The following PSMC6 variants were observed in gnomAD, a reference collection of about 807,000 sequenced individuals.
PSMC6 encodes the protein 26S proteasome regulatory subunit 10B.
PSMC6 carries 3 observed loss-of-function variants against 55.9 expected under a neutral mutation model. The ratio of observed to expected loss-of-function variants is 0.05; its 90% CI spans 0.02 to 0.14. The LOEUF (loss-of-function observed/expected upper bound fraction) is 0.14, where lower values mean the gene tolerates loss of function less well. Ranked by LOEUF, PSMC6 falls within the 10% of genes least tolerant of loss-of-function variation. The pLI is 1.00. For missense variants in PSMC6, 210 were observed against 478.7 expected (o/e 0.44, Z 5.24); for synonymous variants, 137 against 155.9 (o/e 0.88, Z 0.90).
intron 7 of PSMC6, among the ~76,000 whole-genome samples, chr14:52,715,745 T>C (rs1004170501): frequency 1.3e-5 from 2 of 151,734 alleles, no homozygotes; most frequent in African/African-American, 4.8e-5. Context: ...GCCTCCTGAG[T>C]AGCTGGTACT....
rs932405790 is a variant in PSMC6, at chr14:52,723,807, G to A, written c.980-158G>A. 8 of 1,409,502 alleles carry A rather than the reference G, an allele frequency of 5.7e-6. No homozygotes were observed. In the African/African-American group the frequency reaches 8.8e-5, roughly 15 times the overall value. The allele number at this position is 1,409,502 out of a possible 1,614,324, so 87.3% of individuals were successfully genotyped here. ...CTTGGTGCTGGTTTATTTAACAGAA[G>A]TCTTAGTTTTTGGATATTAATATTG... On this transcript the variant is annotated intron_variant, in intron 12 of 13. Transcript: ENST00000445930.
rs1880513040 is a variant in PSMC6 at position 52,728,485 on chromosome 14, G to A, written c.*868G>A. On this transcript the variant is annotated 3_prime_UTR_variant, in exon 14 of 14. Coordinates refer to ENST00000445930, the MANE Select transcript of PSMC6 (RefSeq NM_002806.5). ...GGTATGTATGGATACCTGGCTAAGAGTGTATGATGTAGGGGATGTAGGAGT... is the reference window on the plus strand; with the variant it reads ...GGTATGTATGGATACCTGGCTAAGAATGTATGATGTAGGGGATGTAGGAGT... The A allele has an allele frequency of 1.3e-5, 2 of 152,218 alleles. No homozygotes were observed. The highest frequency in any genetic ancestry group is 4.1e-4 in the South Asian group (2 of 4,834). 9.4% of individuals were successfully genotyped at this position (152,218 alleles called of 1,614,324 possible).
intron 7 of PSMC6, among the ~76,000 whole-genome samples, 171 bp from the exon 8 acceptor site, chr14:52,717,910 C>G (rs1400475671): frequency 6.6e-6 from 1 of 152,158 alleles, no homozygotes; most frequent in East Asian, 1.9e-4. Context: ...TGCCTGTCAT[C>G]CCAGCTACTT....
At chr14:52,720,161 G>A (rs12888213) in intron 10 of PSMC6, among the ~76,000 whole-genome samples, 5 of 147,460 alleles carry the variant, frequency 3.4e-5, no homozygotes, top group African/African-American at 1.3e-4. Context: ...AGGTGAGGTT[G>A]CAGTGGGCTG....
rs1264863890 is a variant in PSMC6 at position 52,728,265 on chromosome 14, C to T, written c.*648C>T. Reference sequence around the variant, plus strand: ...TGAAAATATACATGCACATCCATAACTTTTTAAAGAGTATGATTCAACGTA... The same window carrying T: ...TGAAAATATACATGCACATCCATAATTTTTTAAAGAGTATGATTCAACGTA... On this transcript the variant is annotated 3_prime_UTR_variant, in exon 14 of 14. Transcript: ENST00000445930. The T allele has an allele frequency of 6.6e-6, 1 of 152,210 alleles. No individual in the cohort carries two copies. The highest frequency in any genetic ancestry group is 1.5e-5 in the Non-Finnish European group (1 of 68,050). The allele number at this position is 152,210 out of a possible 1,614,324, so 9.4% of individuals were successfully genotyped here.
chr14:52,721,661 G>GA (rs534465034), intron 12 of PSMC6: 15 of 150,768 alleles, frequency 9.9e-5, no homozygotes, highest in South Asian at 2.1e-4. Flanking sequence ...TGTTTCAGGG[G>GA]AAAAAAAAAG....
In PSMC6 at chr14:52,727,598, T is replaced by G; in HGVS notation, c.1151T>G (p.Leu384Trp). ...VADSKKLESK[L>W]DYKPV ...GATTCTAAGAAGCTGGAGTCTAAAT[T>G]GGACTACAAACCTGTGTAATTTACT... The change falls in exon 14 of 14, where the codon TTG becomes TGG. Residue 384 changes from leucine (L) to tryptophan (W), a missense_variant. Leu to Trp is a moderately conservative substitution (Grantham distance 61). Transcript: ENST00000445930. 6.2e-7 allele frequency: 1 copy of G among 1,610,734 alleles called. No homozygotes were observed. Among genetic ancestry groups the G allele is most frequent in the Non-Finnish European group, 8.5e-7 (1 of 1,178,800 alleles).
intron 3 of PSMC6, 73 bp from the exon 4 acceptor site, chr14:52,708,691 C>A: frequency 6.3e-7 from 1 of 1,595,412 alleles, no homozygotes; most frequent in Non-Finnish European, 8.5e-7. Context: ...TACAACTAAA[C>A]CCTCTGTCAA....
intron 13 of PSMC6, 88 bp downstream of exon 13, chr14:52,724,124 G>A (rs1319194448): frequency 1.6e-6 from 2 of 1,249,498 alleles, no homozygotes; most frequent in African/African-American, 3.0e-5. Context: ...GCGGAGCATA[G>A]ACTTTGCAAG....
chr14:52,726,200 C>G (rs1474296674), intron 13 of PSMC6, among the ~76,000 whole-genome samples: 10 of 152,156 alleles, frequency 6.6e-5, no homozygotes, highest in Admixed American at 6.5e-4. Context: ...ATATCCATAA[C>G]ACAACTAATG....
At chr14:52,716,292 A>G (rs969779037) in intron 7 of PSMC6, among the ~76,000 whole-genome samples, 2 of 152,246 alleles carry the variant, frequency 1.3e-5, no homozygotes, top group African/African-American at 4.8e-5. Flanking sequence ...AGGTTCCTCA[A>G]AAAACTAAAA....
At chr14:52,717,520 A>G (rs1331116984) in intron 7 of PSMC6, among the ~76,000 whole-genome samples, 1 of 151,434 alleles carries the variant, frequency 6.6e-6, no homozygotes. Context: ...TATTTTTAGT[A>G]GAGACGGGGT....
Position 52,727,597 on chromosome 14 carries a change from T to C in PSMC6, c.1150T>C (p.Leu384=). ...TGATTCTAAGAAGCTGGAGTCTAAA[T>C]TGGACTACAAACCTGTGTAATTTAC... ...VADSKKLESK[L]DYKPV is the part of the protein sequence containing the mutation. The change falls in exon 14 of 14, where the codon TTG becomes CTG. Residue 384 remains leucine, a synonymous_variant. Coordinates refer to ENST00000445930, the MANE Select transcript of PSMC6 (RefSeq NM_002806.5). 6.2e-7 allele frequency: 1 copy of C among 1,610,858 alleles called. No homozygotes were observed.
At chr14:52,721,040 A>G in intron 11 of PSMC6, 59 bp downstream of exon 11, 1 of 1,585,404 alleles carries the variant, frequency 6.3e-7, no homozygotes, top group South Asian at 1.1e-5. Flanking sequence ...CTTTTTCCAT[A>G]CTTCACTTCA....
chr14:52,708,934 ATTTG>A, intron 4 of PSMC6, 118 bp downstream of exon 4: 1 of 1,440,622 alleles, frequency 6.9e-7, no homozygotes. Flanking sequence ...CACAAGGATG[ATTTG>A]TTCAGACATA....
intron 7 of PSMC6, among the ~76,000 whole-genome samples, chr14:52,715,456 C>T (rs966328149): frequency 6.6e-5 from 10 of 151,982 alleles, no homozygotes; most frequent in East Asian, 1.9e-4. Context: ...GGTTATTTGG[C>T]GCACATTTTT....
rs1880491799 is a variant in PSMC6, at chr14:52,728,023, T to A, written c.*406T>A. The A allele has an allele frequency of 6.3e-6, 1 of 158,534 alleles. No individual in the cohort carries two copies. Among genetic ancestry groups the A allele is most frequent in the Non-Finnish European group, 1.4e-5 (1 of 71,848 alleles). The allele number at this position is 158,534 out of a possible 1,614,324, so 9.8% of individuals were successfully genotyped here. ...ATATTCTTGTCTTTTCTGAGTATAT[T>A]TACTGTGGTCCTTTAGGTTCTTTAG... On this transcript the variant is annotated 3_prime_UTR_variant, in exon 14 of 14. Coordinates refer to ENST00000445930, the MANE Select transcript of PSMC6 (RefSeq NM_002806.5).
intron 10 of PSMC6, among the ~76,000 whole-genome samples, chr14:52,719,639 A>G (rs1297941279): frequency 1.3e-5 from 2 of 152,224 alleles, no homozygotes; most frequent in South Asian, 2.1e-4. Context: ...CTTTCTCCTT[A>G]GAAGTATTTG....
At chr14:52,707,837 C>T (rs1234269638) in intron 1 of PSMC6, among the ~76,000 whole-genome samples, 1 of 152,020 alleles carries the variant, frequency 6.6e-6, no homozygotes, top group Non-Finnish European at 1.5e-5. Flanking sequence ...ACTTTTTTTT[C>T]CAGTGCATTT....
Sources: gnomAD v4.1 joint callset for allele counts (sites outside exome capture counted in the v4.1 genomes callset) on GRCh38, gnomAD v4.1.1 for gene constraint, MANE v1.5 for transcripts, NCBI Gene and HGNC (gene_info 2026-07-23, HGNC 2026-07-21) for gene names.